The following HNF1A variants were observed in gnomAD, a reference collection of about 807,000 sequenced individuals.
HNF1A encodes the protein hepatocyte nuclear factor 1-alpha.
In HNF1A, 21 loss-of-function variants were observed where a neutral mutation model predicts 62.2. The ratio of observed to expected loss-of-function variants is 0.34; its 90% CI spans 0.24 to 0.49. The LOEUF is 0.49. Among genes scored for constraint, HNF1A ranks in the 20% least tolerant of loss-of-function variants. HNF1A has a pLI of 0.99. For synonymous variants in HNF1A, 374 were observed against 366.8 expected, an observed-to-expected ratio of 1.02 and a Z score of -0.22; for missense variants, 687 against 832.3, an observed-to-expected ratio of 0.83 and a Z score of 2.15.
chr12:120,980,355 C>T (rs559326374), intron 1 of HNF1A, among the ~76,000 whole-genome samples: 12 of 152,140 alleles, frequency 7.9e-5, no homozygotes, highest in African/African-American at 2.9e-4. Flanking sequence ...GTCCAAGGTC[C>T]TGATCCCAGC....
At chr12:120,992,274 A>G (rs1876878729) in intron 2 of HNF1A, among the ~76,000 whole-genome samples, 1 of 152,224 alleles carries the variant, frequency 6.6e-6, no homozygotes, top group Non-Finnish European at 1.5e-5. Flanking sequence ...ATAGGCAAAG[A>G]TGGGTTCTGG....
chr12:121,000,888 G>A, intron 9 of HNF1A, 177 bp from the exon 10 acceptor site: 3 of 791,836 alleles, frequency 3.8e-6, no homozygotes. Context: ...CGTGGACCCT[G>A]GCTGGGAGGC....
At position 120,996,445 on chromosome 12, in the gene HNF1A, C is replaced by T. The variant is rs1227554889; in HGVS notation, c.1107+32C>T. On this transcript the variant is annotated intron_variant, in intron 5 of 9. Coordinates refer to ENST00000257555, the MANE Select transcript of HNF1A (RefSeq NM_000545.8). This position sits in a 1 kb window ranked among gnomAD's most constrained non-coding sequence, Gnocchi z 4.5. ...GTCCTTGCTTGTAAGGAAAACCCAA[C>T]CTCATCTTTCCTTGGCAGGGAGATT... 5 of 1,613,936 alleles carry T rather than the reference C, an allele frequency of 3.1e-6. No homozygotes were observed. Among genetic ancestry groups the T allele is most frequent in the East Asian group, 2.2e-5 (1 of 44,904 alleles).
At chr12:120,981,355 C>G (rs769419347) in intron 1 of HNF1A, among the ~76,000 whole-genome samples, 3 of 152,172 alleles carry the variant, frequency 2.0e-5, no homozygotes, top group Non-Finnish European at 4.4e-5. Context: ...AACCTGAGCT[C>G]TTTCTTCAGA....
In HNF1A at chr12:120,993,589, G is replaced by C. The variant is rs2135839192; in HGVS notation, c.596G>C (p.Gly199Ala). The C allele has an allele frequency of 6.2e-7, 1 of 1,614,152 alleles. No homozygotes were observed. The highest frequency in any genetic ancestry group is 1.1e-5 in the South Asian group (1 of 91,082). Residue 199 changes from glycine to alanine, a missense_variant, in exon 3 of 10, where the codon GGG becomes GCG. Physicochemically the swap from Gly to Ala is moderately conservative, Grantham distance 60 (BLOSUM62 0). Transcript: ENST00000257555. Reference sequence around the variant, plus strand: ...GGTGATGAGCTACCAACCAAGAAGGGGCGGAGGAACCGTTTCAAGTGGGGC... The same window carrying C: ...GGTGATGAGCTACCAACCAAGAAGGCGCGGAGGAACCGTTTCAAGTGGGGC... ...PTGDELPTKK[G>A]RRNRFKWGPA...
At chr12:121,000,868 C>A in intron 9 of HNF1A, 197 bp from the exon 10 acceptor site, 1 of 679,538 alleles carries the variant, frequency 1.5e-6, no homozygotes, top group East Asian at 2.8e-5. Flanking sequence ...CAGGCCACTC[C>A]ATGGGCGGCC....
In HNF1A at chr12:121,001,160, A is replaced by C. The variant is rs1217308885; in HGVS notation, c.1864A>C (p.Ile622Leu). The C allele has an allele frequency of 3.1e-6, 5 of 1,613,944 alleles. No homozygotes were observed. In the South Asian group the frequency reaches 4.4e-5, roughly 14 times the overall value. Residue 622 changes from isoleucine (I) to leucine (L), a missense_variant, in exon 10 of 10, where the codon ATC (isoleucine) becomes CTC (leucine). Physicochemically the swap from Ile to Leu is conservative, Grantham distance 5. Around this residue, in one of 5 missense-constraint regions of HNF1A, gnomAD observed 408 missense variants for 455.3 expected, o/e 0.90. Transcript: ENST00000257555. ...CAACCACAGCGTCATCGAGACCTTC[A>C]TCTCCACCCAGATGGCCTCTTCCTC... ...PSNHSVIETF[I>L]STQMASSSQ
intron 9 of HNF1A, chr12:121,000,810 CCTCGGCAT>C (rs1460006102): frequency 1.9e-6 from 1 of 525,674 alleles, no homozygotes; most frequent in Non-Finnish European, 3.5e-6. Flanking sequence ...CAACTACCTA[CCTCGGCAT>C]CTCACCGGGG....
At chr12:120,990,669 G>GATA (rs1388058869) in intron 2 of HNF1A, among the ~76,000 whole-genome samples, 5 of 144,540 alleles carry the variant, frequency 3.5e-5, no homozygotes, top group African/African-American at 5.4e-5. Flanking sequence ...AGGGAGGAAA[G>GATA]GTAGGAAAGG....
chr12:120,997,164 G>A (rs1877152433), intron 6 of HNF1A: 1 of 1,411,474 alleles, frequency 7.1e-7, no homozygotes, highest in African/African-American at 1.4e-5. Context: ...GCAGAGAACT[G>A]ACCCCATGGC....
intron 9 of HNF1A, 93 bp from the exon 10 acceptor site, chr12:121,000,972 C>A: frequency 6.4e-7 from 1 of 1,552,224 alleles, no homozygotes; most frequent in Non-Finnish European, 8.8e-7. Flanking sequence ...GAGGTGTGGC[C>A]CTGCCTCCCC....
chr12:120,980,840 C>T (rs537294383), intron 1 of HNF1A: 61 of 151,742 alleles, frequency 4.0e-4, no homozygotes, highest in Non-Finnish European at 8.8e-5. Context: ...AGAAGCAGAA[C>T]GGAGGAGCCA....
intron 1 of HNF1A, among the ~76,000 whole-genome samples, chr12:120,980,088 G>A (rs1876175094): frequency 6.6e-6 from 1 of 152,174 alleles, no homozygotes; most frequent in South Asian, 2.1e-4. Flanking sequence ...GCTGTGCTGA[G>A]GTTTCACAGG....
intron 2 of HNF1A, among the ~76,000 whole-genome samples, chr12:120,992,777 G>A (rs753661301): frequency 3.9e-5 from 6 of 152,118 alleles, no homozygotes; most frequent in African/African-American, 1.4e-4. Context: ...CAAAAAATAC[G>A]AATAAATGAG....
At chr12:120,983,793 G>T (rs1327902253) in intron 1 of HNF1A, among the ~76,000 whole-genome samples, 3 of 152,024 alleles carry the variant, frequency 2.0e-5, no homozygotes, top group African/African-American at 7.2e-5. Context: ...TGATCCACCC[G>T]CCTCGGCCTC....
intron 1 of HNF1A, among the ~76,000 whole-genome samples, chr12:120,982,412 A>G (rs182100103): frequency 1.3e-5 from 2 of 151,922 alleles, no homozygotes; most frequent in Admixed American, 1.3e-4. Flanking sequence ...CCTGCCCATC[A>G]GGCAGCATCA....
At chr12:120,998,866 T>TTTAGTATAGTAGCACCTGTGC in intron 7 of HNF1A, among the ~76,000 whole-genome samples, 1 of 152,010 alleles carries the variant, frequency 6.6e-6, no homozygotes. Flanking sequence ...AGCACCTGTG[T>TTTAGTATAGTAGCACCTGTGC]TTAGTATAGT....
At position 120,978,723 on chromosome 12, in the gene HNF1A, G is replaced by A; in HGVS notation, c.-46G>A. On this transcript the variant is annotated 5_prime_UTR_variant, in exon 1 of 10. Coordinates refer to ENST00000257555, the MANE Select transcript of HNF1A (RefSeq NM_000545.8). ...CGCAACCCACGCGGTGGGGGAGGCG[G>A]CTAGCGTGGTGGACCCGGGCCGCGT... The A allele has an allele frequency of 6.3e-7, 1 of 1,578,668 alleles. No homozygotes were observed. Among genetic ancestry groups the A allele is most frequent in the Non-Finnish European group, 8.7e-7 (1 of 1,149,908 alleles).
chr12:120,982,050 C>T (rs941146489), intron 1 of HNF1A, among the ~76,000 whole-genome samples: 2 of 152,096 alleles, frequency 1.3e-5, no homozygotes, highest in African/African-American at 4.8e-5. Flanking sequence ...AGCTCAAACC[C>T]CAGCGTGTTT....
Sources: allele counts gnomAD v4.1 joint callset (sites outside exome capture counted in the v4.1 genomes callset), GRCh38; gene constraint gnomAD v4.1.1; regional missense constraint gnomAD v4.1.1; non-coding constraint Gnocchi (gnomAD v3.1); transcripts MANE v1.5; gene names NCBI Gene and HGNC (gene_info 2026-07-23, HGNC 2026-07-21).